The following FTO variants were observed in gnomAD, a reference collection of about 807,000 sequenced individuals.
FTO encodes the protein FTO alpha-ketoglutarate dependent dioxygenase.
Under a neutral mutation model 63.9 loss-of-function variants are expected in FTO, and 47 were observed. The observed-to-expected ratio is 0.74, with a 90% CI of 0.58 to 0.94. FTO has a LOEUF of 0.94. FTO is among the 40% of genes least tolerant of loss of function. FTO has a pLI of 0.00. For missense variants in FTO, 562 were observed against 618.1 expected (o/e 0.91, Z 0.96); for synonymous variants, 207 against 224.4 (o/e 0.92, Z 0.69).
Position 53,960,716 on chromosome 16 carries a change from GT to G in FTO, c.1364+26608del, listed in dbSNP as rs1555498328. On this transcript the variant is annotated intron_variant, in intron 8 of 8. Transcript: ENST00000471389. ...ATGGGTTCAATTACCAGAAATGGGGGTGGGGGGGGCGCGGTTACCTGAGATA... is the reference window on the plus strand; with the variant it reads ...ATGGGTTCAATTACCAGAAATGGGGGGGGGGGGGCGCGGTTACCTGAGATA... Among the ~76,000 whole-genome samples, 546 of 150,852 alleles carry G rather than the reference GT, an allele frequency of 3.6e-3. 12 individuals are homozygous for G. The highest frequency in any genetic ancestry group is 0.013 in the African/African-American group (513 of 40,454).
At chr16:53,955,033 A>C (rs892917922) in intron 8 of FTO, among the ~76,000 whole-genome samples, 11 of 152,126 alleles carry the variant, frequency 7.2e-5, no homozygotes, top group Non-Finnish European at 1.5e-4. Context: ...GACCAGTAAG[A>C]AAGTTTCTCC....
chr16:54,079,248 G>A (rs574953977), intron 8 of FTO, among the ~76,000 whole-genome samples: 1 of 152,116 alleles, frequency 6.6e-6, no homozygotes, highest in African/African-American at 2.4e-5. Flanking sequence ...TGAGTTCAGT[G>A]CCTGCTGACA....
At chr16:54,080,589 C>A (rs2086117953) in intron 8 of FTO, among the ~76,000 whole-genome samples, 1 of 152,192 alleles carries the variant, frequency 6.6e-6, no homozygotes, top group African/African-American at 2.4e-5. Context: ...AACTGAGGAA[C>A]CACAGGCAGG....
At chr16:54,009,602 G>A (rs17226942) in intron 8 of FTO, among the ~76,000 whole-genome samples, 16,012 of 152,134 alleles carry the variant, frequency 0.11, 976 homozygotes, top group South Asian at 0.19. Flanking sequence ...CTGGTTCCCA[G>A]ATGATATCTC....
chr16:54,040,901 G>T (rs1423674779), intron 8 of FTO, among the ~76,000 whole-genome samples: 1 of 152,180 alleles, frequency 6.6e-6, no homozygotes, highest in Admixed American at 6.5e-5. Context: ...TAAGGTGTGT[G>T]TTTTATATGG....
At chr16:54,023,678 A>T (rs1384620846) in intron 8 of FTO, among the ~76,000 whole-genome samples, 1 of 152,202 alleles carries the variant, frequency 6.6e-6, no homozygotes, top group Non-Finnish European at 1.5e-5. Flanking sequence ...ATCCCAAAGC[A>T]TGCTGGGGCA....
intron 8 of FTO, among the ~76,000 whole-genome samples, chr16:54,067,934 C>A (rs865795574): frequency 6.6e-6 from 1 of 151,924 alleles, no homozygotes; most frequent in Non-Finnish European, 1.5e-5. Context: ...GTCTTACTGA[C>A]GGGCTGTCAC....
At chr16:53,960,303 T>C (rs2143624365) in intron 8 of FTO, among the ~76,000 whole-genome samples, 1 of 152,310 alleles carries the variant, frequency 6.6e-6, no homozygotes, top group South Asian at 2.1e-4. Context: ...AGTGGGATCA[T>C]GTGTGCCCAG....
chr16:53,749,802 T>C (rs2076739913), intron 1 of FTO, among the ~76,000 whole-genome samples: 1 of 152,214 alleles, frequency 6.6e-6, no homozygotes, highest in Admixed American at 6.5e-5. Flanking sequence ...GCCTTTATTG[T>C]GTTGAGGCAC....
chr16:53,977,880 A>G (rs2083463517), intron 8 of FTO, among the ~76,000 whole-genome samples: 2 of 152,160 alleles, frequency 1.3e-5, no homozygotes, highest in African/African-American at 4.8e-5. Flanking sequence ...TTATTTATAG[A>G]CAGGGTCTTG....
chr16:53,995,852 T>A (rs749456053), intron 8 of FTO, among the ~76,000 whole-genome samples: 48 of 152,258 alleles, frequency 3.2e-4, no homozygotes, highest in Non-Finnish European at 5.4e-4. Flanking sequence ...TGGATGCTCA[T>A]TTTCCCGGGT....
Position 53,824,931 on chromosome 16 carries a change from G to A in FTO, c.124-933G>A, listed in dbSNP as rs78741182. On this transcript the variant is annotated intron_variant, in intron 2 of 8. Coordinates refer to ENST00000471389, the MANE Select transcript of FTO (RefSeq NM_001080432.3). Reference sequence around the variant, plus strand: ...CCAAGTCCTAAGGAAAGTGGTAGCCGAAAAGCTAATGCAGCCCTAACCTAC... The same window carrying A: ...CCAAGTCCTAAGGAAAGTGGTAGCCAAAAAGCTAATGCAGCCCTAACCTAC... Among the ~76,000 whole-genome samples the A allele has an allele frequency of 3.8e-3, 585 of 152,278 alleles. 7 individuals carry two copies. The highest frequency in any genetic ancestry group is 0.013 in the African/African-American group (532 of 41,552).
chr16:53,797,723 G>A (rs2078112012), intron 1 of FTO, among the ~76,000 whole-genome samples: 1 of 152,002 alleles, frequency 6.6e-6, no homozygotes, highest in South Asian at 2.1e-4. Flanking sequence ...TTTTATGAAA[G>A]TTCCAGATTG....
intron 7 of FTO, chr16:53,911,586 A>G (rs2081707356): frequency 1.5e-6 from 1 of 665,750 alleles, no homozygotes; most frequent in East Asian, 2.7e-5. Context: ...TCTGTGTGGC[A>G]CTGATGTTTA....
intron 6 of FTO, 22 bp downstream of exon 6, chr16:53,880,009 T>A (rs2080778968): frequency 6.3e-7 from 1 of 1,599,894 alleles, no homozygotes; most frequent in South Asian, 1.1e-5. Context: ...CTTTTTTTTT[T>A]TTTGAGATGG....
intron 7 of FTO, among the ~76,000 whole-genome samples, chr16:53,917,065 T>C (rs2081888551): frequency 6.6e-6 from 1 of 152,168 alleles, no homozygotes; most frequent in Admixed American, 6.5e-5. Context: ...AGTCTGTCAG[T>C]GAAACCATGG....
At chr16:54,019,411 C>T (rs6499668) in intron 8 of FTO, among the ~76,000 whole-genome samples, 78,326 of 152,010 alleles carry the variant, frequency 0.52, 22,365 homozygotes, top group African/African-American at 0.76. Context: ...TTTTTTTATG[C>T]CTCTGCCATA....
chr16:53,991,568 T>G (rs1372299323), intron 8 of FTO: 1 of 152,190 alleles, frequency 6.6e-6, no homozygotes, highest in Non-Finnish European at 1.5e-5. Flanking sequence ...TAACACAATT[T>G]TTTACCTAGA....
At chr16:53,724,098 CT>C (rs1429298883) in intron 1 of FTO, among the ~76,000 whole-genome samples, 1 of 152,216 alleles carries the variant, frequency 6.6e-6, no homozygotes, top group Non-Finnish European at 1.5e-5. Flanking sequence ...TCATCCTGAT[CT>C]TTTGAGGATA....
Sources: gnomAD v4.1 joint callset for allele counts (sites outside exome capture counted in the v4.1 genomes callset) on GRCh38, gnomAD v4.1.1 for gene constraint, MANE v1.5 for transcripts, NCBI Gene and HGNC (gene_info 2026-07-23, HGNC 2026-07-21) for gene names.